ATF2: variants seen among roughly 807,000 people sequenced by gnomAD.
ATF2 encodes the protein cyclic AMP-dependent transcription factor ATF-2.
Under a neutral mutation model 60.6 loss-of-function variants are expected in ATF2, and 24 were observed. That is an observed-to-expected ratio of 0.40 (90% CI 0.29 to 0.56). ATF2 has a LOEUF of 0.56. Ranked by LOEUF, ATF2 falls within the 20% of genes least tolerant of loss-of-function variation. The pLI, the probability that ATF2 is intolerant of heterozygous loss-of-function variation, is 0.54. For missense variants in ATF2, 433 were observed against 607.7 expected (o/e 0.71, Z 3.02); for synonymous variants, 206 against 215.4 (o/e 0.96, Z 0.38).
chr2:175,124,891 T>C (rs1242351984), intron 4 of ATF2, among the ~76,000 whole-genome samples: 1 of 152,054 alleles, frequency 6.6e-6, no homozygotes, highest in Non-Finnish European at 1.5e-5. Context: ...GTGTCTCTTT[T>C]ACTAAATTCC....
intron 12 of ATF2, among the ~76,000 whole-genome samples, chr2:175,091,152 T>G (rs941062357): frequency 6.6e-6 from 1 of 152,190 alleles, no homozygotes; most frequent in African/African-American, 2.4e-5. Context: ...TAAGGCATAA[T>G]AAGCCAAATT....
chr2:175,143,617 G>T (rs1031111536), intron 2 of ATF2, among the ~76,000 whole-genome samples: 1 of 152,146 alleles, frequency 6.6e-6, no homozygotes, highest in African/African-American at 2.4e-5. Flanking sequence ...TACCAGCAGA[G>T]AAAGACCTCA....
chr2:175,138,698 A>G (rs1476160301), intron 2 of ATF2, among the ~76,000 whole-genome samples: 4 of 152,198 alleles, frequency 2.6e-5, no homozygotes, highest in African/African-American at 9.6e-5. Context: ...TTACACTGTC[A>G]AGGCCCACTT....
chr2:175,106,696 T>C (rs1303692605), intron 10 of ATF2, among the ~76,000 whole-genome samples: 5 of 151,388 alleles, frequency 3.3e-5, no homozygotes, highest in African/African-American at 4.9e-5. Context: ...ATTAGCTGCA[T>C]GTGGTGGCGG....
chr2:175,145,635 C>G (rs1027894419), intron 2 of ATF2, among the ~76,000 whole-genome samples: 2 of 152,296 alleles, frequency 1.3e-5, no homozygotes, highest in South Asian at 4.1e-4. Flanking sequence ...CATTCTCCAC[C>G]AAAAGGGACC....
intron 12 of ATF2, chr2:175,092,284 G>C (rs1482223223): frequency 6.5e-6 from 1 of 153,984 alleles, no homozygotes; most frequent in Non-Finnish European, 1.4e-5. Context: ...GGATAATTCA[G>C]AAGATTGAGC....
chr2:175,140,774 C>T (rs1343275320), intron 2 of ATF2, among the ~76,000 whole-genome samples: 5 of 149,262 alleles, frequency 3.3e-5, no homozygotes, highest in Non-Finnish European at 7.4e-5. Context: ...GGATCAGAGG[C>T]CAGGAGTTCA....
At chr2:175,124,621 T>C (rs756248717) in intron 4 of ATF2, among the ~76,000 whole-genome samples, 3 of 151,912 alleles carry the variant, frequency 2.0e-5, no homozygotes, top group Non-Finnish European at 2.9e-5. Context: ...TTAAGGACTA[T>C]TGAACAACAG....
In ATF2 at chr2:175,074,579, ATCTAAAAC is replaced by A; in HGVS notation, c.*22_*29del. ...TTTCCCTTTGAAGTCACTAATGAGT[ATCTAAAAC>A]TGTTGTACTGCAGGTTTTTAATCAA... On this transcript the variant is annotated 3_prime_UTR_variant, in exon 14 of 14. Coordinates refer to ENST00000264110, the MANE Select transcript of ATF2 (RefSeq NM_001880.4). The A allele has an allele frequency of 6.3e-7, 1 of 1,589,426 alleles. No homozygotes were observed.
At chr2:175,099,097 A>C (rs1695137211) in intron 10 of ATF2, among the ~76,000 whole-genome samples, 1 of 150,134 alleles carries the variant, frequency 6.7e-6, no homozygotes, top group Non-Finnish European at 1.5e-5. Flanking sequence ...AATCCTATTA[A>C]ATTTCTTTTT....
At chr2:175,080,800 A>C in intron 12 of ATF2, 35 bp from the exon 13 acceptor site, 1 of 1,507,284 alleles carries the variant, frequency 6.6e-7, no homozygotes, top group African/African-American at 1.4e-5. Flanking sequence ...CTTACCACAG[A>C]CTAAACATAT....
intron 1 of ATF2, among the ~76,000 whole-genome samples, chr2:175,159,557 T>G (rs183478184): frequency 5.7e-4 from 87 of 152,284 alleles, no homozygotes; most frequent in Admixed American, 2.9e-3. Context: ...TTGATGAAAT[T>G]TCTCAAAGTT....
chr2:175,114,202 C>T, intron 8 of ATF2, 94 bp from the exon 9 acceptor site: 1 of 1,432,736 alleles, frequency 7.0e-7, no homozygotes, highest in Non-Finnish European at 9.2e-7. Flanking sequence ...ATAATCATAT[C>T]ATTTAAAAAT....
intron 2 of ATF2, among the ~76,000 whole-genome samples, chr2:175,138,961 C>A (rs946801399): frequency 6.6e-6 from 1 of 152,174 alleles, no homozygotes; most frequent in African/African-American, 2.4e-5. Context: ...GTAAGTTATA[C>A]AATATTGTGC....
At chr2:175,122,929 T>TA (rs1035969203) in intron 4 of ATF2, among the ~76,000 whole-genome samples, 9 of 152,230 alleles carry the variant, frequency 5.9e-5, no homozygotes, top group Admixed American at 2.6e-4. Flanking sequence ...TTTTATCACT[T>TA]AGTCTTTGGA....
rs1696430148 is a variant in ATF2, at chr2:175,114,705, G to C, written c.611C>G (p.Ser204Cys). The C allele has an allele frequency of 1.2e-6, 2 of 1,613,764 alleles. No homozygotes were observed. The highest frequency in any genetic ancestry group is 1.1e-5 in the South Asian group (1 of 91,046). Residue 204 changes from serine (S) to cysteine (C), a missense_variant, in exon 8 of 14, where the codon TCT becomes TGT. Transcript: ENST00000264110. ...SSTVITQAPS[S>C]NRPIVPVPGP... ...AATCACTTACACAATTGGCCTGTTA[G>C]AGGATGGTGCCTGGGTGATTACAGT...
intron 10 of ATF2, among the ~76,000 whole-genome samples, chr2:175,099,676 C>T (rs545596564): frequency 4.6e-5 from 7 of 152,280 alleles, no homozygotes; most frequent in African/African-American, 1.7e-4. Flanking sequence ...GTTGTATTAT[C>T]TGTAGTTTTT....
intron 1 of ATF2, among the ~76,000 whole-genome samples, chr2:175,158,002 A>C (rs920434721): frequency 1.6e-4 from 25 of 152,040 alleles, no homozygotes; most frequent in African/African-American, 4.1e-4. Context: ...AAAAAAAAAA[A>C]AACACCAATA....
chr2:175,167,526 G>A (rs1700442579), intron 1 of ATF2: 1 of 431,200 alleles, frequency 2.3e-6, no homozygotes, highest in Non-Finnish European at 5.0e-6. Flanking sequence ...ATTTTCAGCC[G>A]CGCCTCCCGA....
Sources: allele counts gnomAD v4.1 joint callset (sites outside exome capture counted in the v4.1 genomes callset), GRCh38; gene constraint gnomAD v4.1.1; transcripts MANE v1.5; gene names NCBI Gene and HGNC (gene_info 2026-07-23, HGNC 2026-07-21).